The following PTPN13 variants were observed in gnomAD, a reference collection of about 807,000 sequenced individuals.
PTPN13 encodes tyrosine-protein phosphatase non-receptor type 13.
Under a neutral mutation model 284.0 loss-of-function variants are expected in PTPN13, and 191 were observed. The observed-to-expected ratio is 0.67, with a 90% CI of 0.60 to 0.76. PTPN13 has a LOEUF of 0.76. Ranked by LOEUF, PTPN13 falls within the 30% of genes least tolerant of loss-of-function variation. PTPN13 has a pLI of 0.00. For missense variants in PTPN13, 2,797 were observed against 2,939.9 expected, an observed-to-expected ratio of 0.95 and a Z score of 1.12; for synonymous variants, 986 against 1,022.3, an observed-to-expected ratio of 0.96 and a Z score of 0.68.
intron 46 of PTPN13, among the ~76,000 whole-genome samples, chr4:86,810,222 T>G (rs893182218): frequency 7.9e-5 from 12 of 152,206 alleles, no homozygotes; most frequent in African/African-American, 2.9e-4. Context: ...ACTGGGTGTT[T>G]TTTAACTGTG....
intron 23 of PTPN13, among the ~76,000 whole-genome samples, chr4:86,760,258 A>G (rs992115923): frequency 1.3e-5 from 2 of 152,192 alleles, no homozygotes; most frequent in African/African-American, 4.8e-5. Flanking sequence ...ATCTAATTAT[A>G]ATCTAGTCAC....
intron 1 of PTPN13, among the ~76,000 whole-genome samples, chr4:86,625,336 C>G (rs1052297665): frequency 1.3e-5 from 2 of 152,030 alleles, no homozygotes; most frequent in African/African-American, 4.8e-5. Context: ...AAGGCCTTAA[C>G]TATAACCCCC....
At chr4:86,800,720 GAGGAAGGAAGGAAGGGAGGGAGGA>G (rs1743927434) in intron 42 of PTPN13, among the ~76,000 whole-genome samples, 1 of 142,862 alleles carries the variant, frequency 7.0e-6, no homozygotes, top group Non-Finnish European at 1.5e-5. Flanking sequence ...GGGAGGGAGG[GAGGAAGGAAGGAAGGGAGGGAGGA>G]AGGAAGTTAG....
chr4:86,763,770 G>A (rs1738970358), intron 24 of PTPN13, among the ~76,000 whole-genome samples: 1 of 152,058 alleles, frequency 6.6e-6, no homozygotes, highest in Non-Finnish European at 1.5e-5. Context: ...AAATTATCCA[G>A]GCAAGGTGGC....
intron 1 of PTPN13, among the ~76,000 whole-genome samples, chr4:86,597,514 T>TA (rs1474771029): frequency 1.3e-5 from 2 of 152,242 alleles, no homozygotes; most frequent in African/African-American, 4.8e-5. Flanking sequence ...TGGCTTAAGT[T>TA]AAAGTTGAAA....
intron 47 of PTPN13, 63 bp downstream of exon 47, chr4:86,811,171 C>A (rs1745181091): frequency 1.4e-6 from 2 of 1,456,928 alleles, no homozygotes; most frequent in South Asian, 1.4e-5. Context: ...TTTTAAGGTT[C>A]TTATTAAACC....
At chr4:86,639,833 AAAAATGCAACAGT>A (rs899746869) in intron 2 of PTPN13, among the ~76,000 whole-genome samples, 63 of 152,298 alleles carry the variant, frequency 4.1e-4, no homozygotes, top group African/African-American at 1.2e-3. Flanking sequence ...GTATAAAAAA[AAAAATGCAACAGT>A]AAAACACACA....
At chr4:86,605,624 A>G (rs897292140) in intron 1 of PTPN13, among the ~76,000 whole-genome samples, 3 of 151,954 alleles carry the variant, frequency 2.0e-5, no homozygotes, top group Non-Finnish European at 4.4e-5. Flanking sequence ...ATGAATAGAA[A>G]TAAAAATAAG....
chr4:86,756,757 G>T (rs1475334948), intron 20 of PTPN13, among the ~76,000 whole-genome samples: 2 of 152,056 alleles, frequency 1.3e-5, no homozygotes, highest in Non-Finnish European at 2.9e-5. Flanking sequence ...ATTACTATTT[G>T]TTTTGTGACA....
At chr4:86,813,369 C>T (rs1745444545) in intron 47 of PTPN13, among the ~76,000 whole-genome samples, 1 of 152,140 alleles carries the variant, frequency 6.6e-6, no homozygotes, top group African/African-American at 2.4e-5. Flanking sequence ...ATAATTTCAC[C>T]AAAGGAGTTC....
At position 86,621,515 on chromosome 4, in the gene PTPN13, C is replaced by A. The variant is rs565268546; in HGVS notation, c.-5-13737C>A. 3.1e-4 allele frequency among the ~76,000 whole-genome samples: 47 copies of A among 152,164 alleles called. 1 individual carries two copies. The highest frequency in any genetic ancestry group is 1.1e-3 in the African/African-American group (45 of 41,538). ...TTTTTTAACTCATTTGAATGCAAAACTGTACTTGAGCTTTTTTGGTGGCAA... is the reference window on the plus strand; with the variant it reads ...TTTTTTAACTCATTTGAATGCAAAAATGTACTTGAGCTTTTTTGGTGGCAA... On this transcript the variant is annotated intron_variant, in intron 1 of 47. Transcript: ENST00000411767.
chr4:86,655,934 T>C (rs1462018140), intron 2 of PTPN13, among the ~76,000 whole-genome samples: 1 of 152,180 alleles, frequency 6.6e-6, no homozygotes, highest in African/African-American at 2.4e-5. Context: ...GGAGGCTTTG[T>C]TAGTTTCTTT....
chr4:86,741,679 C>T lies in PTPN13; in HGVS notation c.2350C>T (p.His784Tyr). Reference sequence around the variant, plus strand: ...ATATGGAGTTCATTTTCACCGAGTGCACCCTGAGAAGAAGTCACAAACAGG... The same window carrying T: ...ATATGGAGTTCATTTTCACCGAGTGTACCCTGAGAAGAAGTCACAAACAGG... ...TEYGVHFHRVHPEKKSQTGIL... is the reference protein window; with the variant it reads ...TEYGVHFHRVYPEKKSQTGIL... The change falls in exon 16 of 48, where the codon CAC becomes TAC. Residue 784 changes from histidine (H) to tyrosine (Y), a missense_variant. Physicochemically the swap from His to Tyr is moderately conservative, Grantham distance 83. Transcript: ENST00000411767. 13 of 1,613,722 alleles carry T rather than the reference C, an allele frequency of 8.1e-6. No homozygotes were observed. The highest frequency in any genetic ancestry group is 1.1e-5 in the Non-Finnish European group (13 of 1,179,726).
In PTPN13 at chr4:86,732,673, G is replaced by C. The variant is rs771812334; in HGVS notation, c.1765G>C (p.Asp589His). The C allele has an allele frequency of 2.5e-6, 4 of 1,613,528 alleles. No homozygotes were observed. In the African/African-American group the frequency reaches 4.0e-5, roughly 16 times the overall value. ...LNGQRLELTC[D>H]TKTICKDVFD... The stretch of plus-strand genomic sequence containing the variant: ...CGGGCAAAGACTGGAACTGACCTGT[G>C]ATACCAAAACTATATGTAAAGATGT... The change falls in exon 12 of 48, where the codon GAT (aspartate) becomes CAT (histidine). Residue 589 changes from aspartate (D) to histidine (H), a missense_variant. Coordinates refer to ENST00000411767, the MANE Select transcript of PTPN13 (RefSeq NM_080683.3).
chr4:86,776,427 A>G (rs1451775359), intron 35 of PTPN13, among the ~76,000 whole-genome samples: 1 of 152,194 alleles, frequency 6.6e-6, no homozygotes, highest in African/African-American at 2.4e-5. Flanking sequence ...ACATCACATC[A>G]CCTAGAGCAG....
intron 2 of PTPN13, among the ~76,000 whole-genome samples, chr4:86,663,574 G>A (rs1278638754): frequency 2.0e-5 from 3 of 152,170 alleles, no homozygotes; most frequent in East Asian, 3.9e-4. Flanking sequence ...TCCTGCTTCC[G>A]TGGTTTTCTC....
intron 45 of PTPN13, among the ~76,000 whole-genome samples, chr4:86,809,524 C>A (rs1003826209): frequency 6.6e-6 from 1 of 151,978 alleles, no homozygotes; most frequent in Non-Finnish European, 1.5e-5. Flanking sequence ...ATGGTGAAAC[C>A]CCATCTCTAC....
chr4:86,595,687 G>C (rs1763624372), intron 1 of PTPN13: 1 of 954,142 alleles, frequency 1.0e-6, no homozygotes. Flanking sequence ...GAGCTGCCTG[G>C]AGCTGAGCTC....
chr4:86,771,230 A>G lies in PTPN13; in HGVS notation c.4863A>G (p.Pro1621=), dbSNP rs536655076. 1.9e-6 allele frequency: 3 copies of G among 1,611,668 alleles called. No homozygotes were observed. Among genetic ancestry groups the G allele is most frequent in the Middle Eastern group, 1.6e-4 (1 of 6,062 alleles). The change falls in exon 31 of 48, where the codon CCA becomes CCG. Residue 1621 remains proline, a synonymous_variant. Coordinates refer to ENST00000411767, the MANE Select transcript of PTPN13 (RefSeq NM_080683.3). ...LPNSSKDSSQ[P]SCVEQSTSSD... is the part of the protein sequence containing the mutation. Reference sequence around the variant, plus strand: ...ACAGCAGTAAAGACTCTTCTCAGCCATCATGTGTGGAGCAAAGCACCAGCT... The same window carrying G: ...ACAGCAGTAAAGACTCTTCTCAGCCGTCATGTGTGGAGCAAAGCACCAGCT...
Sources: gnomAD v4.1 joint callset for allele counts (sites outside exome capture counted in the v4.1 genomes callset) on GRCh38, gnomAD v4.1.1 for gene constraint, MANE v1.5 for transcripts, NCBI Gene and HGNC (gene_info 2026-07-23, HGNC 2026-07-21) for gene names.